CRTAC1: variants seen among roughly 807,000 people sequenced by gnomAD.
CRTAC1 encodes acidic secreted protein in cartilage.
A neutral mutation model predicts 67.8 loss-of-function variants in CRTAC1; 37 were observed. The observed-to-expected ratio is 0.55, with a 90% CI of 0.42 to 0.72. The LOEUF (loss-of-function observed/expected upper bound fraction) is 0.72, where lower values mean the gene tolerates loss of function less well. Ranked by LOEUF, CRTAC1 falls within the 30% of genes least tolerant of loss-of-function variation. The pLI is 0.00. For missense variants in CRTAC1, 780 were observed against 931.6 expected (o/e 0.84, Z 2.12); for synonymous variants, 348 against 371.0 (o/e 0.94, Z 0.71).
At chr10:97,983,311 A>C (rs1324892126) in intron 2 of CRTAC1, among the ~76,000 whole-genome samples, 2 of 148,076 alleles carry the variant, frequency 1.4e-5, no homozygotes, top group Non-Finnish European at 2.9e-5. Flanking sequence ...TCAAGAAGAC[A>C]GGTTTAGAGA....
At chr10:97,948,369 G>A (rs2051297649) in intron 2 of CRTAC1, among the ~76,000 whole-genome samples, 1 of 152,156 alleles carries the variant, frequency 6.6e-6, no homozygotes, top group Non-Finnish European at 1.5e-5. Context: ...GAGAGGAGAG[G>A]AGAGCTAGAC....
intron 2 of CRTAC1, among the ~76,000 whole-genome samples, chr10:97,966,873 C>T (rs145654725): frequency 1.4e-3 from 214 of 152,122 alleles, no homozygotes; most frequent in African/African-American, 4.6e-3. Context: ...ACAGAAGCAC[C>T]GTGCCATTTT....
intron 2 of CRTAC1, among the ~76,000 whole-genome samples, chr10:97,943,021 G>C (rs2051201228): frequency 6.6e-6 from 1 of 151,940 alleles, no homozygotes; most frequent in South Asian, 2.1e-4. Context: ...GTGGTGAGCT[G>C]TGATCATGCC....
intron 2 of CRTAC1, among the ~76,000 whole-genome samples, chr10:97,958,950 G>A (rs2051481987): frequency 1.3e-5 from 2 of 152,134 alleles, no homozygotes; most frequent in African/African-American, 4.8e-5. Flanking sequence ...AGAAGACAAT[G>A]AGACAGACAA....
intron 14 of CRTAC1, among the ~76,000 whole-genome samples, chr10:97,872,545 T>C (rs1388446521): frequency 6.6e-6 from 1 of 152,178 alleles, no homozygotes; most frequent in East Asian, 1.9e-4. Context: ...AAAATCCTTC[T>C]GGTGCTGAAT....
chr10:97,898,798 T>G (rs2050495529), intron 8 of CRTAC1, among the ~76,000 whole-genome samples: 1 of 152,084 alleles, frequency 6.6e-6, no homozygotes, highest in Non-Finnish European at 1.5e-5. Context: ...GTTGGAGACA[T>G]GGCTAGATGT....
rs958485012 is a variant in CRTAC1, at chr10:97,865,534, T to C, written c.*14A>G. The C allele has an allele frequency of 1.9e-6, 3 of 1,597,350 alleles. No individual in the cohort carries two copies. Among genetic ancestry groups the C allele is most frequent in the Admixed American group, 1.7e-5 (1 of 59,430 alleles). On this transcript the variant is annotated 3_prime_UTR_variant, in exon 15 of 15. Transcript: ENST00000370597. ...CTGCTGGACTCCATCCGCTGGTTCA[T>C]GTCCCACCCCTGCTCAGCAGCTGGG...
At chr10:98,016,470 T>C (rs886532843) in intron 1 of CRTAC1, among the ~76,000 whole-genome samples, 1 of 152,182 alleles carries the variant, frequency 6.6e-6, no homozygotes, top group Non-Finnish European at 1.5e-5. Context: ...CTGAGGGTCA[T>C]GTTGAAAATA....
intron 2 of CRTAC1, among the ~76,000 whole-genome samples, chr10:97,972,560 T>C (rs1448331849): frequency 6.6e-6 from 1 of 152,206 alleles, no homozygotes; most frequent in Non-Finnish European, 1.5e-5. Context: ...GTCATCAGAA[T>C]CTACTACATT....
At chr10:97,896,361 G>A (rs1003607372) in intron 9 of CRTAC1, among the ~76,000 whole-genome samples, 4 of 151,984 alleles carry the variant, frequency 2.6e-5, no homozygotes, top group African/African-American at 4.8e-5. Context: ...CCTTTTGGTC[G>A]TCATTACAAC....
chr10:97,967,001 C>CGA (rs1564915688), intron 2 of CRTAC1, among the ~76,000 whole-genome samples: 1 of 148,880 alleles, frequency 6.7e-6, no homozygotes, highest in Admixed American at 6.7e-5. Flanking sequence ...TCACCCCCCC[C>CGA]CCCCCGACAT....
At chr10:97,940,093 T>C (rs1357359479) in intron 2 of CRTAC1, among the ~76,000 whole-genome samples, 1 of 152,152 alleles carries the variant, frequency 6.6e-6, no homozygotes, top group East Asian at 1.9e-4. Context: ...TAAATAAAAA[T>C]AATCATGGGT....
At chr10:98,006,940 T>C (rs1468296932) in intron 2 of CRTAC1, among the ~76,000 whole-genome samples, 4 of 152,160 alleles carry the variant, frequency 2.6e-5, no homozygotes, top group Admixed American at 1.3e-4. Flanking sequence ...ATCAGACAGA[T>C]AATAAAGCAG....
At chr10:98,004,992 G>A (rs1460721986) in intron 2 of CRTAC1, among the ~76,000 whole-genome samples, 3 of 147,616 alleles carry the variant, frequency 2.0e-5, no homozygotes, top group African/African-American at 7.5e-5. Flanking sequence ...AAGGAGTGTG[G>A]GTTGGTAAAA....
intron 2 of CRTAC1, among the ~76,000 whole-genome samples, chr10:97,968,385 G>A (rs977336912): frequency 6.6e-6 from 1 of 152,150 alleles, no homozygotes; most frequent in Non-Finnish European, 1.5e-5. Flanking sequence ...TGGGATTTCA[G>A]GCACGTGCCA....
intron 2 of CRTAC1, among the ~76,000 whole-genome samples, chr10:97,947,371 T>A (rs909262199): frequency 6.6e-6 from 1 of 152,232 alleles, no homozygotes; most frequent in African/African-American, 2.4e-5. Context: ...AAAGTTTTAA[T>A]AAAGGTTTGT....
intron 11 of CRTAC1, among the ~76,000 whole-genome samples, chr10:97,888,584 A>G (rs1484655787): frequency 6.6e-6 from 1 of 152,154 alleles, no homozygotes. Flanking sequence ...GACAAGGGGA[A>G]GTGACTTGCA....
chr10:97,878,897 T>C (rs1352348358), intron 14 of CRTAC1, among the ~76,000 whole-genome samples: 1 of 152,148 alleles, frequency 6.6e-6, no homozygotes, highest in Non-Finnish European at 1.5e-5. Flanking sequence ...TCATCACACA[T>C]CCTTCACTTG....
chr10:97,927,506 C>T lies in CRTAC1; in HGVS notation c.422-4106G>A, dbSNP rs189052814. Among the ~76,000 whole-genome samples the T allele has an allele frequency of 1.3e-3, 197 of 152,334 alleles. 1 individual carries two copies. The highest frequency in any genetic ancestry group is 4.5e-3 in the African/African-American group (188 of 41,574). Reference sequence around the variant, plus strand: ...ACTGGTGCTGTCCTTAGCAAGGTGCCATCCTAAGCTGCTGATGTCTGGTCA... The same window carrying T: ...ACTGGTGCTGTCCTTAGCAAGGTGCTATCCTAAGCTGCTGATGTCTGGTCA... On this transcript the variant is annotated intron_variant, in intron 3 of 14. Coordinates refer to ENST00000370597, the MANE Select transcript of CRTAC1 (RefSeq NM_018058.7).
Sources: allele counts gnomAD v4.1 joint callset (sites outside exome capture counted in the v4.1 genomes callset), GRCh38; gene constraint gnomAD v4.1.1; transcripts MANE v1.5; gene names NCBI Gene and HGNC (gene_info 2026-07-23, HGNC 2026-07-21).